The following CSGALNACT1 variants were observed in gnomAD, a reference collection of about 807,000 sequenced individuals.
CSGALNACT1 encodes chondroitin sulfate N-acetylgalactosaminyltransferase 1, also known as beta4GalNAcT-1.
A neutral mutation model predicts 51.0 loss-of-function variants in CSGALNACT1; 52 were observed. The observed-to-expected ratio is 1.02, with a 90% CI of 0.82 to 1.29. The LOEUF (loss-of-function observed/expected upper bound fraction) is 1.29, where lower values mean the gene tolerates loss of function less well. Among genes scored for constraint, CSGALNACT1 ranks in the 50% most tolerant of loss-of-function variants. The pLI is 0.00. For missense variants in CSGALNACT1, 935 were observed against 679.2 expected (o/e 1.38, Z -4.19); for synonymous variants, 341 against 254.4 (o/e 1.34, Z -3.24).
intron 4 of CSGALNACT1, among the ~76,000 whole-genome samples, chr8:19,478,703 G>T (rs999817753): frequency 6.6e-6 from 1 of 151,672 alleles, no homozygotes; most frequent in Non-Finnish European, 1.5e-5. Flanking sequence ...TAAAAATAAT[G>T]ACCCCCCCTT....
At chr8:19,624,567 G>A (rs1171170375) in intron 1 of CSGALNACT1, among the ~76,000 whole-genome samples, 1 of 152,068 alleles carries the variant, frequency 6.6e-6, no homozygotes, top group Non-Finnish European at 1.5e-5. Flanking sequence ...CAAAGCTTTA[G>A]TTCTCTTTTG....
intron 1 of CSGALNACT1, among the ~76,000 whole-genome samples, chr8:19,661,069 C>T (rs2058708895): frequency 6.7e-6 from 1 of 148,994 alleles, no homozygotes; most frequent in Admixed American, 6.6e-5. Context: ...CATGCCACCA[C>T]ACCTGGCTAA....
intron 1 of CSGALNACT1, among the ~76,000 whole-genome samples, chr8:19,656,611 C>T (rs896605231): frequency 7.2e-6 from 1 of 139,464 alleles, no homozygotes; most frequent in African/African-American, 2.7e-5. Flanking sequence ...CACACACACA[C>T]ACGAGATCAG....
rs369795025 is a variant in CSGALNACT1 at position 19,528,992 on chromosome 8, C to T, written c.-296-22862G>A. Among the ~76,000 whole-genome samples, 90 of 152,234 alleles carry T rather than the reference C, an allele frequency of 5.9e-4. 1 individual carries two copies. Among genetic ancestry groups the T allele is most frequent in the African/African-American group, 1.9e-3 (80 of 41,538 alleles). ...TAATGTTAAGATTTTATTTATTAAA[C>T]CAAATGGCGAGTAGATGGGGCTGTC... On this transcript the variant is annotated intron_variant, in intron 3 of 9. Coordinates refer to ENST00000454498, the Ensembl canonical transcript of CSGALNACT1.
At chr8:19,707,825 A>G (rs1351283246) in intron 1 of CSGALNACT1, among the ~76,000 whole-genome samples, 1 of 152,086 alleles carries the variant, frequency 6.6e-6, no homozygotes, top group African/African-American at 2.4e-5. Context: ...AGATGGTGAA[A>G]CCCTGTCTCT....
chr8:19,626,584 C>A (rs2154166447), intron 1 of CSGALNACT1, among the ~76,000 whole-genome samples: 1 of 152,216 alleles, frequency 6.6e-6, no homozygotes, highest in South Asian at 2.1e-4. Context: ...ATAAAAATTT[C>A]AATTCATTAT....
chr8:19,587,478 A>G (rs1221613718), intron 3 of CSGALNACT1, among the ~76,000 whole-genome samples: 4 of 152,172 alleles, frequency 2.6e-5, no homozygotes, highest in African/African-American at 4.8e-5. Flanking sequence ...AAACATCTCA[A>G]TCCTTTTCTA....
chr8:19,553,258 T>A (rs577581139), intron 3 of CSGALNACT1, among the ~76,000 whole-genome samples: 121 of 152,096 alleles, frequency 8.0e-4, no homozygotes, highest in Non-Finnish European at 1.5e-3. Flanking sequence ...CAAAGATTGG[T>A]CCACTGAACC....
chr8:19,598,214 G>A (rs1383847693), intron 2 of CSGALNACT1, among the ~76,000 whole-genome samples: 2 of 152,222 alleles, frequency 1.3e-5, no homozygotes, highest in Non-Finnish European at 2.9e-5. Context: ...ACCTGATTAA[G>A]GGTCAATCAA....
chr8:19,663,746 T>C (rs899923102), intron 1 of CSGALNACT1, among the ~76,000 whole-genome samples: 1 of 152,238 alleles, frequency 6.6e-6, no homozygotes, highest in African/African-American at 2.4e-5. Flanking sequence ...ATACTACATT[T>C]CTATTGTGCA....
At chr8:19,682,931 T>C (rs2060736114), upstream of CSGALNACT1, 1 of 326,180 alleles carries the variant, frequency 3.1e-6, no homozygotes, top group Admixed American at 3.9e-5. Flanking sequence ...CAATTACCTG[T>C]ACTTATCCAT....
intron 4 of CSGALNACT1, among the ~76,000 whole-genome samples, chr8:19,488,935 A>T (rs547392237): frequency 1.1e-4 from 16 of 152,260 alleles, no homozygotes; most frequent in African/African-American, 3.8e-4. Flanking sequence ...TTTTCATTTT[A>T]TATAAACTCA....
chr8:19,425,601 C>T (rs2058655093), intron 6 of CSGALNACT1, among the ~76,000 whole-genome samples: 1 of 152,198 alleles, frequency 6.6e-6, no homozygotes, highest in South Asian at 2.1e-4. Context: ...ACCTCACTGC[C>T]TGCTCTCCAT....
chr8:19,722,697 T>A (rs1326256252), intron 1 of CSGALNACT1, among the ~76,000 whole-genome samples: 3 of 152,178 alleles, frequency 2.0e-5, no homozygotes, highest in Non-Finnish European at 2.9e-5. Flanking sequence ...GCACTGGCCT[T>A]GCACTCTCAC....
At chr8:19,673,708 G>C (rs2059962590) in intron 1 of CSGALNACT1, among the ~76,000 whole-genome samples, 3 of 150,154 alleles carry the variant, frequency 2.0e-5, no homozygotes, top group Admixed American at 2.0e-4. Flanking sequence ...AGGTGGGTGT[G>C]TGGATGTCAA....
rs767074945 is a variant in CSGALNACT1 at position 19,701,153 on chromosome 8, G to GTTTTTTTTTTTTTT, written c.-297+56683_-297+56696dup. Among the ~76,000 whole-genome samples the GTTTTTTTTTTTTTT allele has an allele frequency of 1.5e-4, 14 of 93,280 alleles. 2 individuals are homozygous for GTTTTTTTTTTTTTT. The highest frequency in any genetic ancestry group is 2.9e-4 in the African/African-American group (7 of 24,330). The allele number at this position is 93,280 out of a possible 152,430, so 61.2% of individuals were successfully genotyped here. A position where few individuals can be genotyped will look rare whatever the true frequency, so the allele number is the denominator to read the frequency against. On this transcript the variant is annotated intron_variant, in intron 1 of 1. Coordinates refer to the CSGALNACT1 transcript ENST00000517494. ...GAAAATTTCAGTTCATCTATTATCC[G>GTTTTTTTTTTTTTT]TTTTTTTTTTTTTTTTTTTTGATAC... is the stretch of plus-strand genomic sequence containing the variant.
At chr8:19,506,153 T>A in intron 3 of CSGALNACT1, 23 bp from the exon 3 acceptor site, 6 of 554,714 alleles carry the variant, frequency 1.1e-5, no homozygotes, top group East Asian at 8.5e-5. Context: ...ACAAATGACA[T>A]CAACACTTAA....
upstream of CSGALNACT1, among the ~76,000 whole-genome samples, chr8:19,684,579 C>G (rs1320252829): frequency 1.3e-5 from 2 of 152,252 alleles, no homozygotes. Flanking sequence ...CCTCCTCACT[C>G]CCCTGGGACC....
At chr8:19,451,732 A>G (rs1191935949) in intron 5 of CSGALNACT1, among the ~76,000 whole-genome samples, 2 of 152,172 alleles carry the variant, frequency 1.3e-5, no homozygotes, top group Admixed American at 1.3e-4. Context: ...AAGAAGACAT[A>G]TTTATTGTAA....
Sources: allele counts gnomAD v4.1 joint callset (sites outside exome capture counted in the v4.1 genomes callset), GRCh38; gene constraint gnomAD v4.1.1; transcripts MANE v1.5; gene names NCBI Gene and HGNC (gene_info 2026-07-23, HGNC 2026-07-21).